ARHGAP31: variants seen among roughly 807,000 people sequenced by gnomAD.
The protein encoded by ARHGAP31 is rho GTPase-activating protein 31.
In ARHGAP31, 34 loss-of-function variants were observed where a neutral mutation model predicts 113.9. The ratio of observed to expected loss-of-function variants is 0.30; its 90% CI spans 0.23 to 0.40. The LOEUF is 0.40. Among genes scored for constraint, ARHGAP31 ranks in the 10% least tolerant of loss-of-function variants. The probability of loss-of-function intolerance (pLI) is 1.00; values close to 1 mark genes in which losing one functional copy is unlikely to be tolerated. For missense variants in ARHGAP31, 1,548 were observed against 1,767.1 expected, an observed-to-expected ratio of 0.88 and a Z score of 2.22; for synonymous variants, 650 against 684.8, an observed-to-expected ratio of 0.95 and a Z score of 0.79.
chr3:119,380,937 C>A lies in ARHGAP31; in HGVS notation c.382C>A (p.Leu128Met). The change falls in exon 4 of 12, where the codon CTG becomes ATG. Residue 128 changes from leucine (L) to methionine (M), a missense_variant. Physicochemically the swap from Leu to Met is conservative, Grantham distance 15 (BLOSUM62 2). Coordinates refer to ENST00000264245, the MANE Select transcript of ARHGAP31 (RefSeq NM_020754.4). ...AVSHCPEEGQ[L>M]ARIQNVIQEL... The stretch of plus-strand genomic sequence containing the variant: ...GTCGCATTGCCCTGAAGAAGGCCAA[C>A]TGGCCCGAATCCAAAATGTTATCCA... 1 of 1,614,186 alleles carries A rather than the reference C, an allele frequency of 6.2e-7. No individual in the cohort carries two copies. Among genetic ancestry groups the A allele is most frequent in the Admixed American group, 1.7e-5 (1 of 60,030 alleles).
In ARHGAP31 at chr3:119,418,881, C is replaced by T. The variant is rs1012821294; in HGVS notation, c.*2617C>T. 6.6e-6 allele frequency: 1 copy of T among 152,236 alleles called. No individual in the cohort carries two copies. Among genetic ancestry groups the T allele is most frequent in the Non-Finnish European group, 1.5e-5 (1 of 68,090 alleles). 9.4% of individuals were successfully genotyped at this position (152,236 alleles called of 1,614,324 possible). On this transcript the variant is annotated 3_prime_UTR_variant, in exon 12 of 12. Coordinates refer to ENST00000264245, the MANE Select transcript of ARHGAP31 (RefSeq NM_020754.4). ...AGAGTCCTGCTGCTCAAGTGTGGAC[C>T]TCCACTTTGACTCTCACCCAGCCTG...
At chr3:119,374,922 T>A (rs1195177063) in intron 3 of ARHGAP31, among the ~76,000 whole-genome samples, 1 of 151,776 alleles carries the variant, frequency 6.6e-6, no homozygotes, top group African/African-American at 2.4e-5. Context: ...TAAAGTTAAA[T>A]GGGGAAAAAA....
chr3:119,365,436 C>T lies in ARHGAP31; in HGVS notation c.203+18C>T, dbSNP rs377483659. ...CGGCTAAGGTAAGCTAAAAGAATAG[C>T]CCTAAAAGAATTCTCCCATGATTCC... On this transcript the variant is annotated intron_variant, in intron 2 of 11. Transcript: ENST00000264245. 17 of 1,598,628 alleles carry T rather than the reference C, an allele frequency of 1.1e-5. No individual in the cohort carries two copies. Among genetic ancestry groups the T allele is most frequent in the Middle Eastern group, 3.3e-4 (2 of 6,038 alleles).
chr3:119,404,630 T>C (rs1471368278), intron 10 of ARHGAP31, among the ~76,000 whole-genome samples: 1 of 152,230 alleles, frequency 6.6e-6, no homozygotes, highest in Non-Finnish European at 1.5e-5. Flanking sequence ...TTAAAGGCAA[T>C]TTTCCAGGTT....
chr3:119,381,309 A>G (rs1462725837), intron 4 of ARHGAP31, among the ~76,000 whole-genome samples: 2 of 152,166 alleles, frequency 1.3e-5, no homozygotes, highest in African/African-American at 4.8e-5. Flanking sequence ...AACCAAATCT[A>G]TGGCAACCAA....
intron 1 of ARHGAP31, among the ~76,000 whole-genome samples, chr3:119,309,787 C>G (rs749617337): frequency 2.6e-5 from 4 of 151,912 alleles, no homozygotes; most frequent in Non-Finnish European, 4.4e-5. Flanking sequence ...ACCACAACCA[C>G]CAGCACCATG....
At chr3:119,391,349 C>A (rs1362987583) in intron 7 of ARHGAP31, among the ~76,000 whole-genome samples, 3 of 152,036 alleles carry the variant, frequency 2.0e-5, no homozygotes, top group Non-Finnish European at 4.4e-5. Context: ...AAAACTTCGA[C>A]CCCCTCCCCG....
chr3:119,348,405 C>G (rs182481228), intron 1 of ARHGAP31, among the ~76,000 whole-genome samples: 2 of 152,302 alleles, frequency 1.3e-5, no homozygotes, highest in Admixed American at 1.3e-4. Flanking sequence ...GGGACCACTG[C>G]TGTATATATT....
Position 119,294,865 on chromosome 3 carries a change from G to A in ARHGAP31, c.-40G>A, listed in dbSNP as rs149723943. 116 of 1,584,564 alleles carry A rather than the reference G, an allele frequency of 7.3e-5. No individual in the cohort carries two copies. In the African/African-American group the frequency reaches 1.2e-3, roughly 17 times the overall value. On this transcript the variant is annotated 5_prime_UTR_variant, in exon 1 of 12. Transcript: ENST00000264245. ...ATCTTACAGCGGTGCCAAGCAGAGG[G>A]GCGGCAGAGACGGAGGGGCAGCCTC...
In ARHGAP31 at chr3:119,402,213, C is replaced by A; in HGVS notation, c.1461C>A (p.Ser487=). The A allele has an allele frequency of 6.2e-7, 1 of 1,614,282 alleles. No individual in the cohort carries two copies. The highest frequency in any genetic ancestry group is 8.5e-7 in the Non-Finnish European group (1 of 1,180,056). Residue 487 remains serine, a synonymous_variant, in exon 10 of 12, where the codon TCC becomes TCA. Coordinates refer to ENST00000264245, the MANE Select transcript of ARHGAP31 (RefSeq NM_020754.4). ...ACCAGCGCAAGGCGCTGAACATCTC[C>A]GAGCCCTTTGCGGTATCTGTGCCGC... The part of the protein sequence containing the change: ...PRNQRKALNI[S]EPFAVSVPLR...
At chr3:119,326,307 A>G (rs1213622244) in intron 1 of ARHGAP31, among the ~76,000 whole-genome samples, 1 of 152,090 alleles carries the variant, frequency 6.6e-6, no homozygotes, top group African/African-American at 2.4e-5. Flanking sequence ...ATTTTCAATC[A>G]CCTGTGGATC....
rs1227931818 is a variant in ARHGAP31 at position 119,294,933 on chromosome 3, T to C, written c.29T>C (p.Leu10Pro). The C allele has an allele frequency of 3.1e-6, 5 of 1,614,016 alleles. No homozygotes were observed. In the South Asian group the frequency reaches 3.3e-5, roughly 11 times the overall value. Residue 10 changes from leucine (L) to proline (P), a missense_variant, in exon 1 of 12, where the codon CTG becomes CCG. By Grantham distance (98) the Leu-to-Pro change is moderately conservative. Transcript: ENST00000264245. MKNKGAKQK[L>P]KRKGAASAFG... ...AAGAACAAGGGTGCTAAGCAGAAGC[T>C]GAAACGAAAGGGAGCCGCCAGCGCG...
intron 1 of ARHGAP31, among the ~76,000 whole-genome samples, chr3:119,342,413 G>A (rs776405412): frequency 2.0e-5 from 3 of 152,142 alleles, no homozygotes; most frequent in Non-Finnish European, 4.4e-5. Context: ...GAGACCATTG[G>A]TTACTCTTGC....
At chr3:119,404,372 G>A (rs1027447451) in intron 10 of ARHGAP31, among the ~76,000 whole-genome samples, 1 of 152,132 alleles carries the variant, frequency 6.6e-6, no homozygotes, top group Admixed American at 6.5e-5. Context: ...CCTACCTGTG[G>A]CCAATGGGCA....
chr3:119,342,586 T>C (rs1319288856), intron 1 of ARHGAP31, among the ~76,000 whole-genome samples: 7 of 151,984 alleles, frequency 4.6e-5, no homozygotes, highest in Non-Finnish European at 1.0e-4. Context: ...CTGTAATAAA[T>C]GCCAAAAAAA....
chr3:119,388,324 A>ATATATATATATATATATATC, intron 6 of ARHGAP31, among the ~76,000 whole-genome samples: 1 of 149,316 alleles, frequency 6.7e-6, no homozygotes. Flanking sequence ...ATATATATAT[A>ATATATATATATATATATATC]TGTACACATT....
chr3:119,389,997 T>C (rs1343878186), intron 6 of ARHGAP31, among the ~76,000 whole-genome samples: 2 of 152,174 alleles, frequency 1.3e-5, no homozygotes, highest in African/African-American at 4.8e-5. Context: ...GCCACACACA[T>C]TGATGACCAT....
chr3:119,340,953 G>A (rs1161538129), intron 1 of ARHGAP31, among the ~76,000 whole-genome samples: 1 of 152,144 alleles, frequency 6.6e-6, no homozygotes, highest in African/African-American at 2.4e-5. Flanking sequence ...CATTCAGCTG[G>A]CCAGAGGAGC....
At position 119,399,597 on chromosome 3, in the gene ARHGAP31, A is replaced by G. The variant is rs114183349; in HGVS notation, c.1069+336A>G. On this transcript the variant is annotated intron_variant, in intron 9 of 11. Transcript: ENST00000264245. ...CAGAAGAGTCTTCCCCTTTGGGCAGAAAGAAAGAGCCAAGCATTGGTTTAT... is the reference window on the plus strand; with the variant it reads ...CAGAAGAGTCTTCCCCTTTGGGCAGGAAGAAAGAGCCAAGCATTGGTTTAT... 7.5e-3 allele frequency among the ~76,000 whole-genome samples: 1,140 copies of G among 152,374 alleles called. 19 individuals are homozygous for G. The highest frequency in any genetic ancestry group is 0.071 in the South Asian group (342 of 4,832).
Sources: gnomAD v4.1 joint callset for allele counts (sites outside exome capture counted in the v4.1 genomes callset) on GRCh38, gnomAD v4.1.1 for gene constraint, MANE v1.5 for transcripts, NCBI Gene and HGNC (gene_info 2026-07-23, HGNC 2026-07-21) for gene names.